The following PCBP3 variants were observed in gnomAD, a reference collection of about 807,000 sequenced individuals.
PCBP3 encodes the protein poly(rC)-binding protein 3.
A neutral mutation model predicts 52.7 loss-of-function variants in PCBP3; 25 were observed. That is an observed-to-expected ratio of 0.47 (90% CI 0.35 to 0.66). The LOEUF (loss-of-function observed/expected upper bound fraction) is 0.66, where lower values mean the gene tolerates loss of function less well. Among genes scored for constraint, PCBP3 ranks in the 30% least tolerant of loss-of-function variants. The probability of loss-of-function intolerance (pLI) is 0.01; values close to 1 mark genes in which losing one functional copy is unlikely to be tolerated. For missense variants in PCBP3, 391 were observed against 490.3 expected (o/e 0.80, Z 1.91); for synonymous variants, 162 against 183.0 (o/e 0.89, Z 0.93).
intron 9 of PCBP3, chr21:45,901,399 C>T (rs1321368704): frequency 8.5e-5 from 32 of 377,690 alleles, no homozygotes; most frequent in Admixed American, 7.0e-4. Flanking sequence ...GCACCGAGCA[C>T]GGCCTCAGAA....
Position 45,821,570 on chromosome 21 carries a change from C to T in PCBP3, c.-125-28391C>T, listed in dbSNP as rs954874785. On this transcript the variant is annotated intron_variant, in intron 4 of 17. Transcript: ENST00000681687. The surrounding 1 kb of genome is among the most constrained non-coding windows in gnomAD (Gnocchi z 4.4). The stretch of plus-strand genomic sequence containing the variant: ...TGCACCCTGCTGTGGGCCCCGCCCC[C>T]TCCCCTAACTCATTTCTAGAACTCT... Among the ~76,000 whole-genome samples, 5 of 151,982 alleles carry T rather than the reference C, an allele frequency of 3.3e-5. No homozygotes were observed. Among genetic ancestry groups the T allele is most frequent in the South Asian group, 2.1e-4 (1 of 4,820 alleles).
chr21:45,849,716 C>T (rs1271806839), intron 4 of PCBP3, among the ~76,000 whole-genome samples: 1 of 152,228 alleles, frequency 6.6e-6, no homozygotes, highest in Non-Finnish European at 1.5e-5. Context: ...ATGTAGACGT[C>T]TCACTTGTGA....
intron 1 of PCBP3, among the ~76,000 whole-genome samples, chr21:45,660,295 T>C (rs1047308990): frequency 8.5e-5 from 13 of 152,176 alleles, no homozygotes; most frequent in Non-Finnish European, 1.6e-4. Context: ...ATTCAAGCTC[T>C]CCTTTGGTTA....
intron 13 of PCBP3, among the ~76,000 whole-genome samples, chr21:45,923,304 C>G (rs552648149): frequency 1.3e-5 from 2 of 152,298 alleles, no homozygotes; most frequent in South Asian, 2.1e-4. Flanking sequence ...CTCTCTCACT[C>G]TGAAGCCTGG....
At chr21:45,863,842 G>A (rs1220451397) in intron 5 of PCBP3, among the ~76,000 whole-genome samples, 3 of 152,208 alleles carry the variant, frequency 2.0e-5, no homozygotes, top group Non-Finnish European at 4.4e-5. Flanking sequence ...CCCAGGCAAT[G>A]TGGCAGGCAG....
At chr21:45,709,274 G>A (rs1026180898) in intron 2 of PCBP3, among the ~76,000 whole-genome samples, 4 of 152,188 alleles carry the variant, frequency 2.6e-5, no homozygotes, top group Admixed American at 6.5e-5. Flanking sequence ...TTTGGGGCAA[G>A]GCTGACATTT....
At chr21:45,663,201 A>C (rs915885429) in intron 1 of PCBP3, among the ~76,000 whole-genome samples, 1 of 152,178 alleles carries the variant, frequency 6.6e-6, no homozygotes, top group South Asian at 2.1e-4. Flanking sequence ...GCTGCCAAAC[A>C]GGGAAGGGCC....
At chr21:45,930,067 T>C (rs762196199) in intron 14 of PCBP3, 72 bp downstream of exon 14, 1 of 1,070,874 alleles carries the variant, frequency 9.3e-7, no homozygotes, top group Admixed American at 1.8e-5. Context: ...GCTGTGTTAT[T>C]CGGTGCAGTG....
At chr21:45,747,197 C>T (rs949336680) in intron 3 of PCBP3, among the ~76,000 whole-genome samples, 5 of 152,230 alleles carry the variant, frequency 3.3e-5, no homozygotes, top group Admixed American at 6.5e-5. Flanking sequence ...TGCGAGGGAA[C>T]TGCCTTTTTA....
chr21:45,774,961 G>A (rs2090146238), intron 4 of PCBP3, among the ~76,000 whole-genome samples: 1 of 152,130 alleles, frequency 6.6e-6, no homozygotes, highest in South Asian at 2.1e-4. Flanking sequence ...CAGGGATATT[G>A]GCCTGTAGTT....
chr21:45,878,288 TG>T (rs35131273), intron 5 of PCBP3, among the ~76,000 whole-genome samples: 3 of 152,070 alleles, frequency 2.0e-5, no homozygotes, highest in Admixed American at 6.5e-5. Context: ...CCCTCCGGGG[TG>T]GGGGGGTCCT....
At chr21:45,700,620 C>T (rs546872191) in intron 2 of PCBP3, among the ~76,000 whole-genome samples, 4 of 152,272 alleles carry the variant, frequency 2.6e-5, no homozygotes, top group Admixed American at 6.5e-5. Context: ...TTCTCCACTG[C>T]GCAGTGTGCC....
chr21:45,817,456 T>C lies in PCBP3; in HGVS notation c.-125-32505T>C, dbSNP rs1278799612. ...GTATTTGGCCAACATCTTCCTGCAG[T>C]TTGGGGGCCCCGTCTCCTCTTAGCT... is the stretch of plus-strand genomic sequence containing the variant. On this transcript the variant is annotated intron_variant, in intron 4 of 17. Coordinates refer to ENST00000681687, the MANE Select transcript of PCBP3 (RefSeq NM_001384156.1). The surrounding 1 kb of genome is among the most constrained non-coding windows in gnomAD (Gnocchi z 4.3). Among the ~76,000 whole-genome samples the C allele has an allele frequency of 1.3e-5, 2 of 152,180 alleles. No homozygotes were observed. Among genetic ancestry groups the C allele is most frequent in the Admixed American group, 1.3e-4 (2 of 15,278 alleles).
intron 4 of PCBP3, among the ~76,000 whole-genome samples, chr21:45,832,961 A>T (rs538752743): frequency 6.6e-6 from 1 of 152,168 alleles, no homozygotes; most frequent in Non-Finnish European, 1.5e-5. Context: ...TGAGAACGGT[A>T]TGGTGGAAAC....
intron 5 of PCBP3, among the ~76,000 whole-genome samples, chr21:45,878,394 C>T (rs1303296352): frequency 2.0e-5 from 3 of 152,258 alleles, no homozygotes; most frequent in East Asian, 1.9e-4. Context: ...AAGCCAGGCC[C>T]TGGTCAGAAA....
At chr21:45,765,929 T>C (rs2089273544) in intron 4 of PCBP3, among the ~76,000 whole-genome samples, 1 of 152,244 alleles carries the variant, frequency 6.6e-6, no homozygotes, top group South Asian at 2.1e-4. Context: ...AGTGGACGCC[T>C]TCAGAAGTCT....
chr21:45,834,807 G>A (rs2093541925), intron 4 of PCBP3, among the ~76,000 whole-genome samples: 1 of 152,266 alleles, frequency 6.6e-6, no homozygotes, highest in Non-Finnish European at 1.5e-5. Flanking sequence ...AGAGCAGCAG[G>A]TGAGTTCCGA....
intron 4 of PCBP3, among the ~76,000 whole-genome samples, chr21:45,798,878 GA>G (rs2092155997): frequency 6.6e-6 from 1 of 150,698 alleles, no homozygotes; most frequent in African/African-American, 2.5e-5. Context: ...TGGATCTGTA[GA>G]GAGAGTGAAT....
intron 5 of PCBP3, among the ~76,000 whole-genome samples, chr21:45,868,685 T>C (rs1326047617): frequency 2.0e-5 from 3 of 152,170 alleles, no homozygotes; most frequent in Non-Finnish European, 4.4e-5. Context: ...TCCAGAAACA[T>C]TGTCCACATC....
Sources: gnomAD v4.1 joint callset for allele counts (sites outside exome capture counted in the v4.1 genomes callset) on GRCh38, gnomAD v4.1.1 for gene constraint, Gnocchi (gnomAD v3.1) non-coding constraint, MANE v1.5 for transcripts, NCBI Gene and HGNC (gene_info 2026-07-23, HGNC 2026-07-21) for gene names.